Variants in AGMO observed in about 807,000 individuals in gnomAD.
AGMO encodes the protein glyceryl-ether monooxygenase.
AGMO carries 75 observed loss-of-function variants against 60.2 expected under a neutral mutation model. The ratio of observed to expected loss-of-function variants is 1.25; its 90% CI spans 1.03 to 1.51. AGMO has a LOEUF of 1.51. Among genes scored for constraint, AGMO ranks in the 40% most tolerant of loss-of-function variants. The pLI, the probability that AGMO is intolerant of heterozygous loss-of-function variation, is 0.00. For synonymous variants in AGMO, 261 were observed against 177.1 expected (o/e 1.47, Z -3.76); for missense variants, 763 against 525.5 (o/e 1.45, Z -4.42).
chr7:15,279,196 G>A (rs934266398), intron 12 of AGMO, among the ~76,000 whole-genome samples: 1 of 152,132 alleles, frequency 6.6e-6, no homozygotes, highest in African/African-American at 2.4e-5. Flanking sequence ...GTCCATGGCA[G>A]AAGTGTAGAA....
intron 2 of AGMO, among the ~76,000 whole-genome samples, chr7:15,549,522 C>G (rs1325249360): frequency 1.3e-5 from 2 of 151,858 alleles, no homozygotes; most frequent in Non-Finnish European, 2.9e-5. Context: ...CAATCCTAGT[C>G]TCTGATAGAA....
At chr7:15,220,337 A>C (rs1781882074) in intron 12 of AGMO, among the ~76,000 whole-genome samples, 2 of 149,166 alleles carry the variant, frequency 1.3e-5, no homozygotes, top group South Asian at 4.2e-4. Context: ...CTCCTGCCTC[A>C]GCCTCCCAAG....
At chr7:15,475,592 T>C (rs1050357101) in intron 3 of AGMO, among the ~76,000 whole-genome samples, 5 of 152,042 alleles carry the variant, frequency 3.3e-5, no homozygotes, top group African/African-American at 1.2e-4. Context: ...ATGTAGATGA[T>C]GGGTTGATGG....
chr7:15,492,678 T>C (rs1157171277), intron 3 of AGMO, among the ~76,000 whole-genome samples: 1 of 152,074 alleles, frequency 6.6e-6, no homozygotes, highest in African/African-American at 2.4e-5. Flanking sequence ...CTTCTTTATC[T>C]AGTTCACCGT....
intron 3 of AGMO, among the ~76,000 whole-genome samples, chr7:15,531,962 C>A (rs1474403345): frequency 6.6e-6 from 1 of 152,012 alleles, no homozygotes; most frequent in Non-Finnish European, 1.5e-5. Context: ...AGCCACCACC[C>A]CTGGCCCAAT....
In AGMO at chr7:15,378,494, T is replaced by C. The variant is rs150466721; in HGVS notation, c.1074+6952A>G. 4.0e-3 allele frequency among the ~76,000 whole-genome samples: 614 copies of C among 152,198 alleles called. 9 individuals are homozygous for C. The highest frequency in any genetic ancestry group is 0.014 in the African/African-American group (573 of 41,514). On this transcript the variant is annotated intron_variant, in intron 10 of 12. Transcript: ENST00000342526. ...ATGGGATCAAATCAACAAGGATTCC[T>C]AACTATCCTAAATATGTATGCACCC...
chr7:15,347,921 G>A (rs1035937450), intron 12 of AGMO, among the ~76,000 whole-genome samples: 4 of 151,988 alleles, frequency 2.6e-5, no homozygotes, highest in African/African-American at 9.7e-5. Context: ...TGGGAGACTA[G>A]CCCTATCTTT....
intron 2 of AGMO, among the ~76,000 whole-genome samples, chr7:15,557,085 C>T (rs1005243182): frequency 1.3e-5 from 2 of 151,926 alleles, no homozygotes; most frequent in Non-Finnish European, 2.9e-5. Flanking sequence ...ATGGTAGGCA[C>T]GCTATTAATC....
At chr7:15,130,805 A>G in the AGMO span, among the ~76,000 whole-genome samples, 1 of 152,168 alleles carries the variant, frequency 6.6e-6, no homozygotes, top group Admixed American at 6.6e-5. Flanking sequence ...TCTGGCATTT[A>G]TGTGTGTGCT....
intron 12 of AGMO, among the ~76,000 whole-genome samples, chr7:15,349,235 C>T (rs1301514853): frequency 6.6e-6 from 1 of 152,110 alleles, no homozygotes; most frequent in East Asian, 1.9e-4. Flanking sequence ...AGATAACTGG[C>T]TTTGGTATTT....
chr7:15,384,676 T>G (rs1583487492), intron 10 of AGMO, among the ~76,000 whole-genome samples: 1 of 152,154 alleles, frequency 6.6e-6, no homozygotes, highest in Non-Finnish European at 1.5e-5. Flanking sequence ...AAACAGCATT[T>G]TTTTAAACTC....
chr7:15,162,219 G>A, the AGMO span, among the ~76,000 whole-genome samples: 1,559 of 152,194 alleles, frequency 0.01, 16 homozygotes, highest in Non-Finnish European at 0.014. Context: ...AGAACTGTGA[G>A]TCAACTAAAC....
At chr7:15,364,008 T>C (rs570365160) in intron 12 of AGMO, among the ~76,000 whole-genome samples, 136 of 152,150 alleles carry the variant, frequency 8.9e-4, no homozygotes, top group African/African-American at 3.1e-3. Context: ...AGGTTATAAT[T>C]TGAAGAAACA....
intron 3 of AGMO, among the ~76,000 whole-genome samples, chr7:15,543,560 T>C (rs1784688697): frequency 6.6e-6 from 1 of 152,122 alleles, no homozygotes; most frequent in African/African-American, 2.4e-5. Context: ...GAATTGAACT[T>C]ACTATAATAG....
chr7:15,198,205 G>C (rs1239156836), downstream of AGMO, among the ~76,000 whole-genome samples: 2 of 52,948 alleles, frequency 3.8e-5, no homozygotes, highest in African/African-American at 2.6e-4. Context: ...CCGAGAGAGA[G>C]AGAGAGAGAG....
chr7:15,385,407 G>A (rs199793531), intron 10 of AGMO, 39 bp downstream of exon 10: 1 of 1,280,222 alleles, frequency 7.8e-7, no homozygotes, highest in Non-Finnish European at 1.1e-6. Context: ...CAAAGTAACA[G>A]ATAATGTTCT....
At chr7:15,274,489 C>A (rs1281329945) in intron 12 of AGMO, among the ~76,000 whole-genome samples, 1 of 152,106 alleles carries the variant, frequency 6.6e-6, no homozygotes, top group Non-Finnish European at 1.5e-5. Context: ...GGTGGATAAG[C>A]TTTTTGATGT....
chr7:15,446,928 T>C (rs940570689), intron 3 of AGMO, among the ~76,000 whole-genome samples: 1 of 152,184 alleles, frequency 6.6e-6, no homozygotes, highest in Admixed American at 6.5e-5. Flanking sequence ...ATCACCTACT[T>C]TGTCAGCCAA....
intron 12 of AGMO, among the ~76,000 whole-genome samples, chr7:15,294,219 TA>T (rs1456339640): frequency 6.6e-6 from 1 of 151,454 alleles, no homozygotes; most frequent in East Asian, 1.9e-4. Flanking sequence ...TTTAAGATAT[TA>T]TTTTTTTCTA....
Sources: gnomAD v4.1 joint callset for allele counts (sites outside exome capture counted in the v4.1 genomes callset) on GRCh38, gnomAD v4.1.1 for gene constraint, MANE v1.5 for transcripts, NCBI Gene and HGNC (gene_info 2026-07-23, HGNC 2026-07-21) for gene names.